KIAA1328: variants seen among roughly 807,000 people sequenced by gnomAD.
KIAA1328 encodes protein hinderin.
In KIAA1328, 52 loss-of-function variants were observed where a neutral mutation model predicts 68.1. The ratio of observed to expected loss-of-function variants is 0.76; its 90% CI spans 0.61 to 0.96. The LOEUF is 0.96. Ranked by LOEUF, KIAA1328 falls within the 40% of genes least tolerant of loss-of-function variation. The probability of loss-of-function intolerance (pLI) is 0.00; values close to 1 mark genes in which losing one functional copy is unlikely to be tolerated. For missense variants in KIAA1328, 641 were observed against 677.6 expected (o/e 0.95, Z 0.60); for synonymous variants, 232 against 239.4 (o/e 0.97, Z 0.28).
At chr18:37,101,578 G>T (rs1258408018) in intron 7 of KIAA1328, among the ~76,000 whole-genome samples, 2 of 152,172 alleles carry the variant, frequency 1.3e-5, no homozygotes, top group Admixed American at 1.3e-4. Flanking sequence ...ATGGAACCAA[G>T]TTGTAAAACA....
chr18:36,962,259 A>C (rs1401665248), intron 6 of KIAA1328, among the ~76,000 whole-genome samples: 2 of 152,234 alleles, frequency 1.3e-5, no homozygotes, highest in East Asian at 3.8e-4. Context: ...TCAATTCCAC[A>C]AGAAAAGCTA....
Position 37,067,401 on chromosome 18 carries a change from C to T in KIAA1328, c.1088C>T (p.Ser363Leu), listed in dbSNP as rs767888785. The T allele has an allele frequency of 6.2e-7, 1 of 1,612,354 alleles. No individual in the cohort carries two copies. Among genetic ancestry groups the T allele is most frequent in the South Asian group, 1.1e-5 (1 of 90,822 alleles). The change falls in exon 7 of 10, where the codon TCA becomes TTA. Residue 363 changes from serine to leucine, a missense_variant. Transcript: ENST00000280020. ...QPIETLKKQI[S>L]EDRKQQLMLQ... ...ATTGAAACTTTGAAAAAGCAGATCT[C>T]AGAAGATAGAAAGCAGCAACTGATG...
intron 9 of KIAA1328, among the ~76,000 whole-genome samples, chr18:37,211,573 G>A (rs1347214350): frequency 6.6e-6 from 1 of 152,188 alleles, no homozygotes; most frequent in Non-Finnish European, 1.5e-5. Flanking sequence ...ACCACTGTCT[G>A]CCTGGACCTA....
intron 5 of KIAA1328, among the ~76,000 whole-genome samples, chr18:36,938,659 G>C (rs1322930481): frequency 1.3e-5 from 2 of 152,102 alleles, no homozygotes; most frequent in African/African-American, 4.8e-5. Flanking sequence ...GGAATTCACT[G>C]TCCTGACCAA....
In KIAA1328 at chr18:37,114,003, A is replaced by G. The variant is rs188353459; in HGVS notation, c.1233-46197A>G. On this transcript the variant is annotated intron_variant, in intron 7 of 9. Transcript: ENST00000280020. ...ACCCAATACAGGAGTACCCAGATTC[A>G]TAAAGCAAGTCCTTAGAGACCTACA... Among the ~76,000 whole-genome samples the G allele has an allele frequency of 5.5e-3, 833 of 152,324 alleles. 10 individuals are homozygous for G. The highest frequency in any genetic ancestry group is 6.1e-3 in the Non-Finnish European group (416 of 68,024).
At chr18:36,907,672 G>A (rs1598667463) in intron 5 of KIAA1328, among the ~76,000 whole-genome samples, 1 of 152,048 alleles carries the variant, frequency 6.6e-6, no homozygotes, top group Non-Finnish European at 1.5e-5. Context: ...TTAATATATT[G>A]TTAAGAATTT....
At chr18:36,829,337 A>G (rs1385645772) in intron 1 of KIAA1328, 141 bp downstream of exon 1, 1 of 1,398,990 alleles carries the variant, frequency 7.1e-7, no homozygotes, top group South Asian at 1.6e-5. Context: ...GCCCCAGTCT[A>G]GGTGCTGGGC....
At chr18:36,897,023 TA>T (rs898669574) in intron 5 of KIAA1328, among the ~76,000 whole-genome samples, 17 of 152,050 alleles carry the variant, frequency 1.1e-4, no homozygotes, top group South Asian at 4.2e-4. Flanking sequence ...GCAGTAACAT[TA>T]AAAAAAATTG....
In KIAA1328 at chr18:37,223,882, T is replaced by C. The variant is rs1468782681; in HGVS notation, c.*1655T>C. The C allele has an allele frequency of 3.1e-6, 3 of 981,966 alleles. No homozygotes were observed. In the African/African-American group the frequency reaches 5.3e-5, roughly 17 times the overall value. 60.8% of individuals were successfully genotyped at this position (981,966 alleles called of 1,614,324 possible). ...GAGCCCACTAATATTATATTTTTCT[T>C]CTGAAATAAATATAAAGTCAAGACT... is the stretch of plus-strand genomic sequence containing the variant. On this transcript the variant is annotated 3_prime_UTR_variant, in exon 10 of 10. Transcript: ENST00000280020.
intron 7 of KIAA1328, among the ~76,000 whole-genome samples, chr18:37,073,752 A>G (rs1032001364): frequency 2.0e-5 from 3 of 152,052 alleles, no homozygotes; most frequent in African/African-American, 7.2e-5. Flanking sequence ...ATTTTCAGAG[A>G]CTTGCTGTTC....
At chr18:36,973,910 G>T (rs1286045997) in intron 6 of KIAA1328, among the ~76,000 whole-genome samples, 1 of 151,012 alleles carries the variant, frequency 6.6e-6, no homozygotes, top group Non-Finnish European at 1.5e-5. Flanking sequence ...CCTGGTTATT[G>T]ACCTGAAGAT....
intron 4 of KIAA1328, among the ~76,000 whole-genome samples, chr18:36,859,842 ATT>A (rs369584244): frequency 2.4e-5 from 3 of 124,842 alleles, no homozygotes; most frequent in Non-Finnish European, 1.7e-5. Flanking sequence ...TTTACTGTCC[ATT>A]TTTTTTTTTA....
chr18:36,844,387 A>G (rs2046959010), intron 4 of KIAA1328, 85 bp downstream of exon 4: 1 of 800,506 alleles, frequency 1.2e-6, no homozygotes, highest in Non-Finnish European at 1.9e-6. Flanking sequence ...TATTTTGATG[A>G]CTTAATATCT....
intron 6 of KIAA1328, among the ~76,000 whole-genome samples, chr18:36,977,690 G>A (rs941958335): frequency 6.6e-6 from 1 of 152,106 alleles, no homozygotes; most frequent in Non-Finnish European, 1.5e-5. Context: ...GTGTTTCAGG[G>A]TTCTCAAGAC....
intron 8 of KIAA1328, among the ~76,000 whole-genome samples, chr18:37,166,631 C>A (rs191855462): frequency 6.6e-6 from 1 of 152,068 alleles, no homozygotes; most frequent in Non-Finnish European, 1.5e-5. Context: ...GCAGAGCAGA[C>A]CCTGTTCTCA....
At chr18:37,206,567 G>A (rs1174420170) in intron 9 of KIAA1328, among the ~76,000 whole-genome samples, 1 of 152,030 alleles carries the variant, frequency 6.6e-6, no homozygotes, top group Non-Finnish European at 1.5e-5. Context: ...TAATAGAAGC[G>A]AGCACCTCTT....
intron 7 of KIAA1328, among the ~76,000 whole-genome samples, chr18:37,118,547 A>G (rs774019981): frequency 3.3e-5 from 5 of 152,032 alleles, no homozygotes; most frequent in Non-Finnish European, 7.4e-5. Flanking sequence ...GTAGCAACCT[A>G]TTTCCCCCTT....
intron 4 of KIAA1328, among the ~76,000 whole-genome samples, chr18:36,881,749 T>C (rs898201101): frequency 1.3e-5 from 2 of 152,222 alleles, no homozygotes; most frequent in African/African-American, 4.8e-5. Flanking sequence ...AGCATAGTGA[T>C]TTCAAGGTTT....
rs1188757428 is a variant in KIAA1328, at chr18:37,184,597, G to A, written c.1523+11516G>A. 3.3e-5 allele frequency among the ~76,000 whole-genome samples: 5 copies of A among 152,298 alleles called. No homozygotes were observed. In the East Asian group the frequency reaches 5.8e-4, roughly 18 times the overall value. On this transcript the variant is annotated intron_variant, in intron 9 of 9. Transcript: ENST00000280020. ...GGAAAGGGCATTAGAGTTAAAGGCC[G>A]AAGATCTGGATTTATCCTGCCTCCA...
Sources: gnomAD v4.1 joint callset for allele counts (sites outside exome capture counted in the v4.1 genomes callset) on GRCh38, gnomAD v4.1.1 for gene constraint, MANE v1.5 for transcripts, NCBI Gene and HGNC (gene_info 2026-07-23, HGNC 2026-07-21) for gene names.